The following METTL24 variants were observed in gnomAD, a reference collection of about 807,000 sequenced individuals.
The protein encoded by METTL24 is methyltransferase like 24.
A neutral mutation model predicts 32.7 loss-of-function variants in METTL24; 29 were observed. That is an observed-to-expected ratio of 0.89 (90% CI 0.66 to 1.21). The LOEUF (loss-of-function observed/expected upper bound fraction) is 1.21, where lower values mean the gene tolerates loss of function less well. METTL24 is among the 50% of genes most tolerant of loss of function. METTL24 has a pLI of 0.00. For missense variants in METTL24, 439 were observed against 468.1 expected (o/e 0.94, Z 0.57); for synonymous variants, 163 against 179.5 (o/e 0.91, Z 0.73).
chr6:110,301,956 A>C (rs1301794956), intron 3 of METTL24, among the ~76,000 whole-genome samples: 2 of 152,084 alleles, frequency 1.3e-5, no homozygotes, highest in Admixed American at 6.6e-5. Context: ...TCACCAGCAG[A>C]AAAGGGCAAT....
intron 4 of METTL24, among the ~76,000 whole-genome samples, chr6:110,276,637 A>C (rs1771052043): frequency 6.6e-6 from 1 of 152,180 alleles, no homozygotes; most frequent in Non-Finnish European, 1.5e-5. Context: ...CTAGGCCACA[A>C]GATACCACCA....
At chr6:110,321,573 CA>C in intron 2 of METTL24, among the ~76,000 whole-genome samples, 1 of 152,266 alleles carries the variant, frequency 6.6e-6, no homozygotes, top group South Asian at 2.1e-4. Context: ...AATCAAACTA[CA>C]AAACTAAAAT....
chr6:110,297,666 C>T (rs1392981269), intron 4 of METTL24, among the ~76,000 whole-genome samples: 1 of 152,078 alleles, frequency 6.6e-6, no homozygotes, highest in Non-Finnish European at 1.5e-5. Flanking sequence ...AAACAAAACC[C>T]TAAATAAAGT....
intron 4 of METTL24, chr6:110,254,060 TA>T (rs983871688): frequency 9.5e-5 from 77 of 811,764 alleles, no homozygotes; most frequent in South Asian, 3.7e-4. Context: ...CTCTCCTGCT[TA>T]AAAAAAATAT....
At chr6:110,268,079 A>G (rs1291022554) in intron 4 of METTL24, among the ~76,000 whole-genome samples, 2 of 152,214 alleles carry the variant, frequency 1.3e-5, no homozygotes, top group Non-Finnish European at 2.9e-5. Context: ...CAAATCATGT[A>G]ACCAGCTAGT....
At chr6:110,347,816 AT>A (rs1772507880) in intron 1 of METTL24, among the ~76,000 whole-genome samples, 2 of 152,242 alleles carry the variant, frequency 1.3e-5, no homozygotes, top group African/African-American at 4.8e-5. Context: ...TCACAAACTA[AT>A]GTGAACAATA....
intron 3 of METTL24, among the ~76,000 whole-genome samples, chr6:110,313,125 C>T (rs866555654): frequency 6.6e-6 from 1 of 152,220 alleles, no homozygotes; most frequent in South Asian, 2.1e-4. Flanking sequence ...GCCTATTTTC[C>T]TCCCTCAGAG....
intron 4 of METTL24, among the ~76,000 whole-genome samples, chr6:110,276,167 T>A (rs1771043817): frequency 6.6e-6 from 1 of 152,222 alleles, no homozygotes. Context: ...GTGTGGTGGT[T>A]CATGCCTATA....
chr6:110,250,449 G>A (rs138561640), intron 4 of METTL24, among the ~76,000 whole-genome samples: 142 of 151,966 alleles, frequency 9.3e-4, no homozygotes, highest in African/African-American at 3.3e-3. Flanking sequence ...TCATTTTAAC[G>A]AATTACATCT....
chr6:110,252,125 T>C (rs1047965161), intron 4 of METTL24, among the ~76,000 whole-genome samples: 11 of 152,240 alleles, frequency 7.2e-5, no homozygotes, highest in Admixed American at 3.9e-4. Flanking sequence ...GCCTGGGAGA[T>C]AGAGCAAAAC....
At chr6:110,288,127 C>T (rs9487344) in intron 4 of METTL24, among the ~76,000 whole-genome samples, 7,826 of 152,180 alleles carry the variant, frequency 0.051, 552 homozygotes, top group African/African-American at 0.16. Context: ...ACAGAGTAGC[C>T]CAGTGCTTGT....
At chr6:110,348,335 C>T (rs1172861473) in intron 1 of METTL24, among the ~76,000 whole-genome samples, 1 of 152,180 alleles carries the variant, frequency 6.6e-6, no homozygotes, top group East Asian at 1.9e-4. Flanking sequence ...AATATGAGCC[C>T]ATCTTATAGA....
chr6:110,260,051 A>C (rs1384814876), intron 4 of METTL24, among the ~76,000 whole-genome samples: 1 of 152,260 alleles, frequency 6.6e-6, no homozygotes, highest in African/African-American at 2.4e-5. Context: ...TCTAAAAGTC[A>C]GAATGCCTCT....
chr6:110,297,058 C>T (rs1771432811), intron 4 of METTL24, among the ~76,000 whole-genome samples: 1 of 152,128 alleles, frequency 6.6e-6, no homozygotes, highest in East Asian at 1.9e-4. Context: ...AATTCTTCAA[C>T]AAGGAATTAA....
chr6:110,334,274 T>G (rs1311693884), intron 1 of METTL24, among the ~76,000 whole-genome samples: 3 of 152,188 alleles, frequency 2.0e-5, no homozygotes, highest in Non-Finnish European at 4.4e-5. Context: ...TTCCAGGCTT[T>G]AAACCAGAAG....
intron 1 of METTL24, among the ~76,000 whole-genome samples, chr6:110,327,972 T>A (rs1410935806): frequency 6.6e-6 from 1 of 152,216 alleles, no homozygotes; most frequent in Non-Finnish European, 1.5e-5. Context: ...GCCTGCCACC[T>A]GTACTTCCTC....
chr6:110,303,574 C>G, intron 3 of METTL24, among the ~76,000 whole-genome samples: 1 of 152,154 alleles, frequency 6.6e-6, no homozygotes, highest in East Asian at 1.9e-4. Context: ...CAGAGCCCAC[C>G]ACGGCGCCTC....
chr6:110,301,531 G>A (rs983981701), intron 3 of METTL24, among the ~76,000 whole-genome samples: 8 of 152,052 alleles, frequency 5.3e-5, no homozygotes, highest in African/African-American at 1.4e-4. Context: ...TGATAAAAAC[G>A]TGCCCTCGAG....
At chr6:110,284,142 A>G (rs1295365123) in intron 4 of METTL24, among the ~76,000 whole-genome samples, 1 of 152,222 alleles carries the variant, frequency 6.6e-6, no homozygotes, top group Non-Finnish European at 1.5e-5. Flanking sequence ...GATTCCACTT[A>G]CACGAGGTAC....
Sources: allele counts gnomAD v4.1 joint callset (sites outside exome capture counted in the v4.1 genomes callset), GRCh38; gene constraint gnomAD v4.1.1; transcripts MANE v1.5; gene names NCBI Gene and HGNC (gene_info 2026-07-23, HGNC 2026-07-21).